Variants in KIF3B observed in about 807,000 individuals in gnomAD.
KIF3B encodes kinesin family member 3B.
In KIF3B, 38 loss-of-function variants were observed where a neutral mutation model predicts 74.3. The ratio of observed to expected loss-of-function variants is 0.51; its 90% CI spans 0.39 to 0.67. KIF3B has a LOEUF of 0.67. Ranked by LOEUF, KIF3B falls within the 30% of genes least tolerant of loss-of-function variation. KIF3B has a pLI of 0.00. For missense variants in KIF3B, 649 were observed against 932.0 expected (o/e 0.70, Z 3.95); for synonymous variants, 326 against 342.5 (o/e 0.95, Z 0.53).
intron 1 of KIF3B, among the ~76,000 whole-genome samples, chr20:32,294,792 C>G (rs1446126421): frequency 1.3e-5 from 2 of 152,200 alleles, no homozygotes; most frequent in Admixed American, 6.5e-5. Flanking sequence ...ACTCTGTGTT[C>G]CCCAAATCTG....
chr20:32,307,228 C>G (rs535144391), intron 1 of KIF3B, among the ~76,000 whole-genome samples: 3 of 152,194 alleles, frequency 2.0e-5, no homozygotes, highest in African/African-American at 7.2e-5. Context: ...ACATTATCAC[C>G]CAAAGTGCAT....
intron 1 of KIF3B, among the ~76,000 whole-genome samples, chr20:32,298,596 C>T (rs1217828215): frequency 6.6e-6 from 1 of 152,066 alleles, no homozygotes; most frequent in African/African-American, 2.4e-5. Flanking sequence ...TCCCATTATC[C>T]ATACTTCCCA....
At chr20:32,285,007 A>T (rs771936186) in intron 1 of KIF3B, among the ~76,000 whole-genome samples, 18 of 150,734 alleles carry the variant, frequency 1.2e-4, no homozygotes, top group Non-Finnish European at 2.5e-4. Flanking sequence ...TCGCGTGTTC[A>T]TCTGTTTTTC....
At chr20:32,319,544 A>ACATATGTG (rs397688880) in intron 5 of KIF3B, among the ~76,000 whole-genome samples, 1 of 138,302 alleles carries the variant, frequency 7.2e-6, no homozygotes, top group South Asian at 2.3e-4. Context: ...ACACACACAC[A>ACATATGTG]TATGTGTATA....
At chr20:32,309,209 T>G (rs2047787646) in intron 1 of KIF3B, among the ~76,000 whole-genome samples, 1 of 151,468 alleles carries the variant, frequency 6.6e-6, no homozygotes, top group Non-Finnish European at 1.5e-5. Context: ...TTTTTTTTTT[T>G]TTTTGGAGAG....
At chr20:32,330,440 A>G in intron 8 of KIF3B, 121 bp downstream of exon 8, 2 of 819,482 alleles carry the variant, frequency 2.4e-6, no homozygotes, top group Non-Finnish European at 3.8e-6. Flanking sequence ...TTGCCATATT[A>G]CTCCTATGTT....
At chr20:32,316,049 G>C (rs1262734780) in intron 2 of KIF3B, among the ~76,000 whole-genome samples, 169 bp from the exon 3 acceptor site, 1 of 152,164 alleles carries the variant, frequency 6.6e-6, no homozygotes, top group East Asian at 1.9e-4. Flanking sequence ...AGCTGCCCCA[G>C]TCCCTCACCA....
chr20:32,310,035 A>G lies in KIF3B; in HGVS notation c.258A>G (p.Gln86=). 3 of 1,614,208 alleles carry G rather than the reference A, an allele frequency of 1.9e-6. No homozygotes were observed. The highest frequency in any genetic ancestry group is 2.5e-6 in the Non-Finnish European group (3 of 1,180,032). ...TFRPLVDSVL[Q]GFNGTIFAYG... is the part of the protein sequence containing the mutation. Reference sequence around the variant, plus strand: ...GACCACTTGTTGACTCTGTCCTGCAAGGTTTCAATGGAACCATTTTTGCCT... The same window carrying G: ...GACCACTTGTTGACTCTGTCCTGCAGGGTTTCAATGGAACCATTTTTGCCT... Residue 86 remains glutamine, a synonymous_variant, in exon 2 of 9, where the codon CAA becomes CAG. Coordinates refer to ENST00000375712, the MANE Select transcript of KIF3B (RefSeq NM_004798.4). The surrounding 1 kb of genome is among the most constrained non-coding windows in gnomAD (Gnocchi z 6.5).
chr20:32,296,273 T>C (rs1356207502), intron 1 of KIF3B, among the ~76,000 whole-genome samples: 1 of 152,202 alleles, frequency 6.6e-6, no homozygotes, highest in Non-Finnish European at 1.5e-5. Context: ...TCCATCTCTC[T>C]TTCCCCTTGA....
chr20:32,308,562 C>G (rs1185595700), intron 1 of KIF3B, among the ~76,000 whole-genome samples: 1 of 152,058 alleles, frequency 6.6e-6, no homozygotes, highest in Non-Finnish European at 1.5e-5. Context: ...AGGTGCCCAC[C>G]ACCACGCCCA....
chr20:32,299,398 TATA>T (rs1161001606), intron 1 of KIF3B, among the ~76,000 whole-genome samples: 5 of 71,322 alleles, frequency 7.0e-5, no homozygotes, highest in African/African-American at 3.5e-4. Flanking sequence ...TATATATATA[TATA>T]TATTTTTTTT....
Position 32,316,656 on chromosome 20 carries a change from A to G in KIF3B, c.1629+7A>G. ...GACCAAAAAACTCAAAAAGGTATGA[A>G]AGGAATGAGGCCAGATGGAGTTGCC... On this transcript the variant is annotated splice_region_variant and intron_variant, in intron 4 of 8. Coordinates refer to ENST00000375712, the MANE Select transcript of KIF3B (RefSeq NM_004798.4). 1 of 1,614,144 alleles carries G rather than the reference A, an allele frequency of 6.2e-7. No individual in the cohort carries two copies. The highest frequency in any genetic ancestry group is 8.5e-7 in the Non-Finnish European group (1 of 1,180,018).
intron 1 of KIF3B, among the ~76,000 whole-genome samples, chr20:32,296,695 A>G (rs894713798): frequency 2.0e-5 from 3 of 152,158 alleles, no homozygotes; most frequent in Non-Finnish European, 2.9e-5. Context: ...TTATCTGGCA[A>G]TTGTTACATG....
chr20:32,281,151 C>T (rs937054173), intron 1 of KIF3B, among the ~76,000 whole-genome samples: 5 of 152,206 alleles, frequency 3.3e-5, no homozygotes, highest in Non-Finnish European at 5.9e-5. Flanking sequence ...ACAAAAATGC[C>T]TACACTTGCT....
At chr20:32,307,882 G>A (rs1470483425) in intron 1 of KIF3B, among the ~76,000 whole-genome samples, 1 of 147,604 alleles carries the variant, frequency 6.8e-6, no homozygotes, top group Non-Finnish European at 1.5e-5. Context: ...TCGTGCCACT[G>A]TGCTCCAGCC....
At chr20:32,309,464 C>T (rs147560962) in intron 1 of KIF3B, among the ~76,000 whole-genome samples, 19 of 152,264 alleles carry the variant, frequency 1.2e-4, no homozygotes, top group African/African-American at 4.6e-4. Context: ...CCAGCTGCCT[C>T]AGCCTATAGC....
chr20:32,314,850 C>T (rs2047819309), intron 2 of KIF3B, among the ~76,000 whole-genome samples: 1 of 152,166 alleles, frequency 6.6e-6, no homozygotes, highest in Non-Finnish European at 1.5e-5. Flanking sequence ...TAGCCTAGCA[C>T]TGTCTCCTGC....
intron 1 of KIF3B, among the ~76,000 whole-genome samples, chr20:32,306,770 T>C (rs2047773881): frequency 6.6e-6 from 1 of 151,918 alleles, no homozygotes; most frequent in Non-Finnish European, 1.5e-5. Context: ...AATTTTTGTA[T>C]GTTTAGTAAA....
At chr20:32,295,854 CTTTTTTTTT>C (rs66566110) in intron 1 of KIF3B, among the ~76,000 whole-genome samples, 8 of 110,852 alleles carry the variant, frequency 7.2e-5, no homozygotes, top group East Asian at 5.6e-4. Flanking sequence ...TTTTTATTAT[CTTTTTTTTT>C]TTTTTTTTTT....
Sources: allele counts gnomAD v4.1 joint callset (sites outside exome capture counted in the v4.1 genomes callset), GRCh38; gene constraint gnomAD v4.1.1; non-coding constraint Gnocchi (gnomAD v3.1); transcripts MANE v1.5; gene names NCBI Gene and HGNC (gene_info 2026-07-23, HGNC 2026-07-21).